Variants in CSMD3 observed in about 807,000 individuals in gnomAD.
The protein encoded by CSMD3 is CUB and sushi domain-containing protein 3.
In CSMD3, 177 loss-of-function variants were observed where a neutral mutation model predicts 435.2. The observed-to-expected ratio is 0.41, with a 90% CI of 0.36 to 0.46. The LOEUF is 0.46. CSMD3 is among the 20% of genes least tolerant of loss of function. CSMD3 has a pLI of 0.34. For synonymous variants in CSMD3, 1,656 were observed against 1,520.5 expected (o/e 1.09, Z -2.07); for missense variants, 4,265 against 4,504.6 (o/e 0.95, Z 1.52).
chr8:112,274,871 TTAC>T (rs1169139973), intron 59 of CSMD3, among the ~76,000 whole-genome samples: 1 of 152,228 alleles, frequency 6.6e-6, no homozygotes, highest in African/African-American at 2.4e-5. Flanking sequence ...AAGATTTGTC[TTAC>T]TATTTAAATC....
intron 5 of CSMD3, among the ~76,000 whole-genome samples, chr8:113,093,137 A>T (rs963718052): frequency 4.6e-5 from 7 of 152,240 alleles, no homozygotes; most frequent in African/African-American, 1.7e-4. Flanking sequence ...TCTCATTAAG[A>T]TCCTGTTATT....
intron 2 of CSMD3, among the ~76,000 whole-genome samples, chr8:113,302,260 A>AT (rs1434923979): frequency 7.9e-6 from 1 of 127,268 alleles, no homozygotes; most frequent in African/African-American, 2.8e-5. Flanking sequence ...TATTATATAA[A>AT]ATATATATAA....
At chr8:113,412,101 G>T (rs1246315771) in intron 1 of CSMD3, among the ~76,000 whole-genome samples, 1 of 152,036 alleles carries the variant, frequency 6.6e-6, no homozygotes, top group African/African-American at 2.4e-5. Context: ...AAAACCTGTA[G>T]AGTGTTTGAT....
chr8:113,345,687 T>C (rs1413882485), intron 1 of CSMD3, among the ~76,000 whole-genome samples: 1 of 152,174 alleles, frequency 6.6e-6, no homozygotes, highest in Non-Finnish European at 1.5e-5. Context: ...AATTTACTTC[T>C]GTTTTTTTAA....
chr8:113,184,350 T>G (rs1012917718), intron 3 of CSMD3, among the ~76,000 whole-genome samples: 1 of 151,954 alleles, frequency 6.6e-6, no homozygotes, highest in Admixed American at 6.6e-5. Context: ...GGTAATCAAC[T>G]TAACCTTTAG....
At chr8:113,138,810 A>AGTGTGTGTGTGTGTGTGT (rs34755068) in intron 4 of CSMD3, among the ~76,000 whole-genome samples, 108 of 145,740 alleles carry the variant, frequency 7.4e-4, no homozygotes, top group African/African-American at 2.5e-3. Context: ...TAAACGTGTT[A>AGTGTGTGTGTGTGTGTGT]GTGTGTGTGT....
chr8:113,142,226 T>C (rs1441525732), intron 4 of CSMD3, among the ~76,000 whole-genome samples: 1 of 151,290 alleles, frequency 6.6e-6, no homozygotes, highest in Non-Finnish European at 1.5e-5. Flanking sequence ...GTGATATCTA[T>C]AGAAAATATC....
intron 13 of CSMD3, among the ~76,000 whole-genome samples, chr8:112,747,780 G>A (rs952721736): frequency 6.6e-6 from 1 of 151,928 alleles, no homozygotes; most frequent in Non-Finnish European, 1.5e-5. Context: ...TCGAGACCAC[G>A]GTGAAACCCC....
intron 53 of CSMD3, among the ~76,000 whole-genome samples, chr8:112,297,941 C>A (rs1265562639): frequency 6.6e-6 from 1 of 151,366 alleles, no homozygotes; most frequent in Non-Finnish European, 1.5e-5. Context: ...GGCAACATAG[C>A]AAGACCCTAT....
intron 64 of CSMD3, among the ~76,000 whole-genome samples, chr8:112,245,461 G>A (rs1226827960): frequency 6.6e-6 from 1 of 152,064 alleles, no homozygotes; most frequent in African/African-American, 2.4e-5. Context: ...TCTTAATGGA[G>A]GTCCATAACA....
intron 1 of CSMD3, among the ~76,000 whole-genome samples, chr8:113,320,157 G>A (rs1045534239): frequency 3.3e-5 from 5 of 151,980 alleles, no homozygotes; most frequent in African/African-American, 9.7e-5. Context: ...TATAGATTAA[G>A]TCAGTATGAT....
intron 3 of CSMD3, among the ~76,000 whole-genome samples, chr8:113,222,694 C>T (rs1245774503): frequency 6.6e-6 from 1 of 150,924 alleles, no homozygotes; most frequent in East Asian, 1.9e-4. Flanking sequence ...ATTAAGGTTG[C>T]TTTCATATCA....
chr8:112,525,745 T>A (rs1037838588), intron 27 of CSMD3, among the ~76,000 whole-genome samples: 1 of 135,416 alleles, frequency 7.4e-6, no homozygotes, highest in Non-Finnish European at 1.6e-5. Flanking sequence ...AAAAACCATA[T>A]ATATACATAT....
At chr8:113,265,782 A>G (rs554966774) in intron 3 of CSMD3, among the ~76,000 whole-genome samples, 1 of 151,548 alleles carries the variant, frequency 6.6e-6, no homozygotes, top group Non-Finnish European at 1.5e-5. Flanking sequence ...GATTTAGCTA[A>G]AAAGTCACTT....
At chr8:112,861,458 C>G (rs915115525) in intron 10 of CSMD3, among the ~76,000 whole-genome samples, 8 of 151,866 alleles carry the variant, frequency 5.3e-5, no homozygotes, top group Admixed American at 5.3e-4. Context: ...ACATCTTGCT[C>G]TTCTTTGATT....
chr8:112,855,544 A>G (rs1182675213), intron 11 of CSMD3, among the ~76,000 whole-genome samples: 1 of 152,084 alleles, frequency 6.6e-6, no homozygotes, highest in Non-Finnish European at 1.5e-5. Context: ...CCTAAGTATC[A>G]TGAGTTCTAT....
intron 22 of CSMD3, among the ~76,000 whole-genome samples, chr8:112,612,650 C>G (rs1250768043): frequency 6.7e-6 from 1 of 149,278 alleles, no homozygotes; most frequent in East Asian, 2.0e-4. Flanking sequence ...TGTGATCCTG[C>G]ATGTATATTT....
intron 32 of CSMD3, among the ~76,000 whole-genome samples, chr8:112,466,480 C>G (rs986193841): frequency 6.6e-6 from 1 of 151,920 alleles, no homozygotes; most frequent in African/African-American, 2.4e-5. Flanking sequence ...AAAATATACA[C>G]AAAATGAACT....
intron 4 of CSMD3, among the ~76,000 whole-genome samples, chr8:113,119,463 A>G (rs2131628940): frequency 6.6e-6 from 1 of 152,300 alleles, no homozygotes; most frequent in South Asian, 2.1e-4. Context: ...AAGCCATCTA[A>G]GAGAATAGCC....
Sources: gnomAD v4.1 joint callset for allele counts (sites outside exome capture counted in the v4.1 genomes callset) on GRCh38, gnomAD v4.1.1 for gene constraint, MANE v1.5 for transcripts, NCBI Gene and HGNC (gene_info 2026-07-23, HGNC 2026-07-21) for gene names.